HORMAD2: variants seen among roughly 807,000 people sequenced by gnomAD.
HORMAD2 encodes the protein HORMA domain containing 2, also known as HORMA domain-containing protein 2.
Under a neutral mutation model 38.8 loss-of-function variants are expected in HORMAD2, and 45 were observed. That is an observed-to-expected ratio of 1.16 (90% CI 0.91 to 1.49). HORMAD2 has a LOEUF of 1.49. Among genes scored for constraint, HORMAD2 ranks in the 40% most tolerant of loss-of-function variants. The pLI is 0.00. For missense variants in HORMAD2, 338 were observed against 367.0 expected, an observed-to-expected ratio of 0.92 and a Z score of 0.65; for synonymous variants, 126 against 122.8, an observed-to-expected ratio of 1.03 and a Z score of -0.17.
chr22:30,183,561 A>G, the HORMAD2 span, among the ~76,000 whole-genome samples: 1 of 152,182 alleles, frequency 6.6e-6, no homozygotes, highest in African/African-American at 2.4e-5. Flanking sequence ...TCACCAACTG[A>G]AGCAGGTACT....
intron 2 of HORMAD2, among the ~76,000 whole-genome samples, chr22:30,097,254 C>A (rs999003899): frequency 6.6e-6 from 1 of 152,138 alleles, no homozygotes; most frequent in African/African-American, 2.4e-5. Flanking sequence ...CCGGCACAAC[C>A]CATCCATCAG....
At chr22:30,201,902 A>G in the HORMAD2 span, among the ~76,000 whole-genome samples, 49 of 152,340 alleles carry the variant, frequency 3.2e-4, no homozygotes, top group African/African-American at 1.1e-3. Flanking sequence ...TCTGCGTGAT[A>G]TGAGAAATGC....
At chr22:30,101,271 A>C (rs996290947) in intron 3 of HORMAD2, among the ~76,000 whole-genome samples, 1 of 152,188 alleles carries the variant, frequency 6.6e-6, no homozygotes, top group Admixed American at 6.5e-5. Flanking sequence ...TAATTAGTTC[A>C]TGTCCTTTGT....
At chr22:30,207,391 A>G in the HORMAD2 span, among the ~76,000 whole-genome samples, 5 of 152,322 alleles carry the variant, frequency 3.3e-5, no homozygotes, top group African/African-American at 1.2e-4. Context: ...GAAGAAAAAG[A>G]AATGTCCCAG....
At chr22:30,165,933 T>G (rs1925751802) in intron 10 of HORMAD2, among the ~76,000 whole-genome samples, 1 of 151,690 alleles carries the variant, frequency 6.6e-6, no homozygotes, top group Non-Finnish European at 1.5e-5. Context: ...TTCTTCTTCT[T>G]TTTGTTTATT....
intron 1 of HORMAD2, among the ~76,000 whole-genome samples, chr22:30,086,481 A>C (rs2068572907): frequency 6.6e-6 from 1 of 152,164 alleles, no homozygotes; most frequent in South Asian, 2.1e-4. Context: ...CTGGTAAATA[A>C]AAGTATAAGG....
chr22:30,187,740 G>A, the HORMAD2 span, among the ~76,000 whole-genome samples: 1 of 152,140 alleles, frequency 6.6e-6, no homozygotes, highest in African/African-American at 2.4e-5. Context: ...AAGCCAAAGA[G>A]CTGCCCTGAA....
chr22:30,161,236 TA>T (rs1478044941), intron 10 of HORMAD2, among the ~76,000 whole-genome samples: 1 of 152,242 alleles, frequency 6.6e-6, no homozygotes, highest in African/African-American at 2.4e-5. Context: ...CTTTTTCTGA[TA>T]TTTTATAGGA....
At chr22:30,172,569 G>T (rs528590057) in intron 10 of HORMAD2, among the ~76,000 whole-genome samples, 19 of 152,086 alleles carry the variant, frequency 1.2e-4, no homozygotes, top group Non-Finnish European at 2.4e-4. Flanking sequence ...CTACCAGATG[G>T]CAGGAACTGA....
intron 10 of HORMAD2, among the ~76,000 whole-genome samples, chr22:30,135,675 G>A (rs927238048): frequency 2.6e-5 from 4 of 152,102 alleles, no homozygotes; most frequent in African/African-American, 4.8e-5. Flanking sequence ...CAGTCAAATG[G>A]AGAGCCCTTC....
At chr22:30,081,855 G>A (rs2146046492) in intron 1 of HORMAD2, among the ~76,000 whole-genome samples, 1 of 152,214 alleles carries the variant, frequency 6.6e-6, no homozygotes, top group South Asian at 2.1e-4. Context: ...AGAGTGCTGG[G>A]ATTACAGGTG....
At chr22:30,153,267 C>G (rs1924868750) in intron 10 of HORMAD2, among the ~76,000 whole-genome samples, 1 of 152,148 alleles carries the variant, frequency 6.6e-6, no homozygotes, top group African/African-American at 2.4e-5. Flanking sequence ...AGCCTTGAGG[C>G]TCTCCCACAG....
At chr22:30,167,370 A>G (rs1925850425) in intron 10 of HORMAD2, among the ~76,000 whole-genome samples, 1 of 152,200 alleles carries the variant, frequency 6.6e-6, no homozygotes, top group African/African-American at 2.4e-5. Context: ...AGAATTTAGG[A>G]CATGAACATC....
chr22:30,174,721 A>G (rs908475286), intron 10 of HORMAD2, among the ~76,000 whole-genome samples: 1 of 152,204 alleles, frequency 6.6e-6, no homozygotes, highest in Non-Finnish European at 1.5e-5. Context: ...GTTTGAATGG[A>G]AAGCATGGCC....
chr22:30,143,724 G>A (rs1924233619), intron 10 of HORMAD2, among the ~76,000 whole-genome samples: 1 of 152,126 alleles, frequency 6.6e-6, no homozygotes, highest in Non-Finnish European at 1.5e-5. Flanking sequence ...TGGTTGATAT[G>A]CCTTGGATAT....
intron 7 of HORMAD2, among the ~76,000 whole-genome samples, chr22:30,115,270 T>C (rs919458730): frequency 6.6e-6 from 1 of 152,066 alleles, no homozygotes; most frequent in Non-Finnish European, 1.5e-5. Flanking sequence ...GGGACTGCAG[T>C]TGTTCGCCAC....
At chr22:30,175,316 A>AT (rs1555957061) in intron 10 of HORMAD2, among the ~76,000 whole-genome samples, 2 of 127,856 alleles carry the variant, frequency 1.6e-5, no homozygotes, top group African/African-American at 2.9e-5. Flanking sequence ...TATATAATAT[A>AT]ATATATATAT....
In HORMAD2 at chr22:30,103,787, G is replaced by A. The variant is rs546985948; in HGVS notation, c.257+287G>A. ...AAGTGATTCTCCGCCTCAGCCTCCCGGGTAGCTGGGACTACAGGTGCATGC... is the reference window on the plus strand; with the variant it reads ...AAGTGATTCTCCGCCTCAGCCTCCCAGGTAGCTGGGACTACAGGTGCATGC... On this transcript the variant is annotated intron_variant, in intron 4 of 10. Coordinates refer to ENST00000336726, the MANE Select transcript of HORMAD2 (RefSeq NM_152510.4). Among the ~76,000 whole-genome samples the A allele has an allele frequency of 1.3e-3, 185 of 147,810 alleles. 1 individual carries two copies. The highest frequency in any genetic ancestry group is 4.1e-3 in the African/African-American group (164 of 40,156).
At chr22:30,201,821 A>T in the HORMAD2 span, among the ~76,000 whole-genome samples, 1 of 151,892 alleles carries the variant, frequency 6.6e-6, no homozygotes, top group African/African-American at 2.4e-5. Context: ...CTCATGAACC[A>T]TATTTCAAGA....
Sources: allele counts gnomAD v4.1 joint callset (sites outside exome capture counted in the v4.1 genomes callset), GRCh38; gene constraint gnomAD v4.1.1; transcripts MANE v1.5; gene names NCBI Gene and HGNC (gene_info 2026-07-23, HGNC 2026-07-21).